DST: variants seen among roughly 807,000 people sequenced by gnomAD.
DST encodes the protein bullous pemphigoid antigen.
In DST, 253 loss-of-function variants were observed where a neutral mutation model predicts 875.2. The observed-to-expected ratio is 0.29, with a 90% CI of 0.26 to 0.32. DST has a LOEUF of 0.32. Among genes scored for constraint, DST ranks in the 10% least tolerant of loss-of-function variants. The pLI, the probability that DST is intolerant of heterozygous loss-of-function variation, is 1.00. For missense variants in DST, 8,287 were observed against 9,111.6 expected (o/e 0.91, Z 3.68); for synonymous variants, 3,124 against 3,197.1 (o/e 0.98, Z 0.77).
chr6:56,541,246 T>G (rs1368449346), intron 61 of DST: 2 of 152,654 alleles, frequency 1.3e-5, no homozygotes, highest in Non-Finnish European at 2.9e-5. Context: ...TTAGTTTGAG[T>G]GCATCAAAGA....
chr6:56,829,315 T>A (rs1401562563), intron 4 of DST, among the ~76,000 whole-genome samples: 1 of 152,228 alleles, frequency 6.6e-6, no homozygotes, highest in African/African-American at 2.4e-5. Context: ...AGTTTACATA[T>A]CATTAATACA....
At chr6:56,914,643 C>A (rs1046182555) in intron 2 of DST, among the ~76,000 whole-genome samples, 1 of 152,220 alleles carries the variant, frequency 6.6e-6, no homozygotes, top group Non-Finnish European at 1.5e-5. Context: ...ATCTCAAAGT[C>A]TATTTTTCTG....
intron 4 of DST, among the ~76,000 whole-genome samples, chr6:56,772,371 T>C (rs2099668377): frequency 6.6e-6 from 1 of 152,202 alleles, no homozygotes. Context: ...TATGTGATGA[T>C]ACTGCCCATA....
At chr6:56,665,443 T>C (rs115985505) in intron 10 of DST, among the ~76,000 whole-genome samples, 65 of 152,232 alleles carry the variant, frequency 4.3e-4, no homozygotes, top group Non-Finnish European at 6.9e-4. Context: ...GAAAATATCA[T>C]TGAGCTTCAA....
At chr6:56,596,928 G>C (rs2152694546) in intron 47 of DST, among the ~76,000 whole-genome samples, 1 of 152,314 alleles carries the variant, frequency 6.6e-6, no homozygotes, top group Admixed American at 6.5e-5. Flanking sequence ...TAGGTGAGCT[G>C]AGCTCAGAAA....
At chr6:56,636,424 G>A (rs936702734) in intron 23 of DST, 133 bp downstream of exon 23, 29 of 692,566 alleles carry the variant, frequency 4.2e-5, no homozygotes, top group South Asian at 3.9e-4. Context: ...ACACATATAT[G>A]TGTATATATA....
intron 49 of DST, 98 bp downstream of exon 49, chr6:56,592,084 T>C: frequency 9.2e-7 from 1 of 1,084,342 alleles, no homozygotes; most frequent in Non-Finnish European, 1.4e-6. Flanking sequence ...TCACATCATT[T>C]GTTCCCCTCT....
In DST at chr6:56,593,752, C is replaced by T. The variant is rs771484852; in HGVS notation, c.12637G>A (p.Gly4213Ser). Residue 4213 changes from glycine (G) to serine (S), a missense_variant, in exon 48 of 104, where the codon GGT becomes AGT. Physicochemically the swap from Gly to Ser is moderately conservative, Grantham distance 56 (BLOSUM62 0). Around this residue, in one of 10 missense-constraint regions of DST, gnomAD observed 1,513 missense variants for 1,677.8 expected, o/e 0.90. Transcript: ENST00000680361. ...GTTGCAGAAGTATCAACCTTGCCAC[C>T]GTCTCTCTTGCTGCAAGATTTGGCA... ...EAAKSCSKRDGGKVDTSATHR... is the reference protein window; with the variant it reads ...EAAKSCSKRDSGKVDTSATHR... 10 of 1,613,738 alleles carry T rather than the reference C, an allele frequency of 6.2e-6. No individual in the cohort carries two copies. The highest frequency in any genetic ancestry group is 5.0e-5 in the Admixed American group (3 of 59,980).
At chr6:56,506,027 T>C (rs2096301024) in intron 77 of DST, among the ~76,000 whole-genome samples, 1 of 152,204 alleles carries the variant, frequency 6.6e-6, no homozygotes, top group Non-Finnish European at 1.5e-5. Flanking sequence ...CTGACTTTAG[T>C]TAAACTTGGT....
At chr6:56,862,650 G>T (rs975171024) in intron 3 of DST, among the ~76,000 whole-genome samples, 4 of 152,126 alleles carry the variant, frequency 2.6e-5, no homozygotes, top group African/African-American at 9.7e-5. Flanking sequence ...ACTGAAGAGG[G>T]ATCACACTCA....
Position 56,605,890 on chromosome 6 carries a change from T to C in DST, c.8738A>G (p.His2913Arg), listed in dbSNP as rs769428685. The change falls in exon 40 of 104, where the codon CAT becomes CGT. Residue 2913 changes from histidine (H) to arginine (R), a missense_variant. Around this residue, in one of 10 missense-constraint regions of DST, gnomAD observed 3,138 missense variants for 3,116.6 expected, o/e 1.01. Transcript: ENST00000680361. ...CAATACATCCTTAAGTACCATCTCA[T>C]GGTTCAACAGATTTTCTTTGCTTTT... The part of the protein sequence containing the change: ...AGKSKENLLN[H>R]EMVLKDVLPP... 4.1e-5 allele frequency: 66 copies of C among 1,612,718 alleles called. No homozygotes were observed. The highest frequency in any genetic ancestry group is 5.2e-5 in the Non-Finnish European group (61 of 1,179,380).
Position 56,651,027 on chromosome 6 carries a change from C to T in DST, c.1333G>A (p.Asp445Asn), listed in dbSNP as rs771055407. ...GATTTTTCATCAGGTGAGGAGACAT[C>T]GACATCTAAAAACAGCAACATAAAT... ...VIRLLDPEDVDVSSPDEKSVI... is the reference protein window; with the variant it reads ...VIRLLDPEDVNVSSPDEKSVI... Residue 445 changes from aspartate to asparagine, a missense_variant, in exon 12 of 104, where the codon GAT becomes AAT. Transcript: ENST00000680361. 5.6e-6 allele frequency: 9 copies of T among 1,607,502 alleles called. No homozygotes were observed. The highest frequency in any genetic ancestry group is 1.3e-5 in the African/African-American group (1 of 74,674).
intron 85 of DST, among the ~76,000 whole-genome samples, chr6:56,491,371 T>C (rs1166113786): frequency 2.0e-5 from 3 of 152,164 alleles, no homozygotes; most frequent in Admixed American, 1.3e-4. Context: ...CAAAAAGTAA[T>C]TGTAAAATCC....
chr6:56,615,727 G>C (rs756491319), intron 36 of DST: 1 of 1,613,978 alleles, frequency 6.2e-7, no homozygotes, highest in South Asian at 1.1e-5. Context: ...TACCTACTTG[G>C]AGAGCCTCTT....
Position 56,481,740 on chromosome 6 carries a change from A to G in DST, c.21531+310T>C, listed in dbSNP as rs180998079. 9.8e-5 allele frequency among the ~76,000 whole-genome samples: 15 copies of G among 152,350 alleles called. No individual in the cohort carries two copies. The East Asian group carries it at 2.9e-3, about 29-fold the overall frequency. On this transcript the variant is annotated intron_variant, in intron 90 of 103. Coordinates refer to ENST00000680361, the MANE Select transcript of DST (RefSeq NM_001374736.1). ...TTGAAATCCACATGATAACTGCAAC[A>G]ATCTTGACCAATTTTGGTCAAAAGC...
intron 4 of DST, chr6:56,843,327 C>A (rs1379467385): frequency 6.6e-6 from 8 of 1,220,472 alleles, no homozygotes; most frequent in Non-Finnish European, 8.2e-6. Flanking sequence ...GGCGCCAGGG[C>A]CGGCAAAGGA....
intron 69 of DST, among the ~76,000 whole-genome samples, chr6:56,519,887 C>T (rs1374550636): frequency 6.6e-6 from 1 of 152,104 alleles, no homozygotes; most frequent in East Asian, 1.9e-4. Context: ...CAAATAGATG[C>T]CAATACCCAG....
intron 4 of DST, among the ~76,000 whole-genome samples, chr6:56,749,743 G>A (rs2099582080): frequency 6.6e-6 from 1 of 152,184 alleles, no homozygotes; most frequent in African/African-American, 2.4e-5. Context: ...AACAGGGCCA[G>A]TCACAGAGTG....
chr6:56,900,956 C>T lies in DST; in HGVS notation c.217-335G>A, dbSNP rs116671634. Among the ~76,000 whole-genome samples, 1,220 of 151,142 alleles carry T rather than the reference C, an allele frequency of 8.1e-3. 20 individuals are homozygous for T. The highest frequency in any genetic ancestry group is 0.027 in the African/African-American group (1,122 of 41,172). The stretch of plus-strand genomic sequence containing the variant: ...GCATCAGGGAGACTGTGAAGAAGGG[C>T]GTTTCCATTTTGGCCTGAAGTAGAG... On this transcript the variant is annotated intron_variant, in intron 2 of 103. Coordinates refer to ENST00000680361, the MANE Select transcript of DST (RefSeq NM_001374736.1).
Sources: gnomAD v4.1 joint callset for allele counts (sites outside exome capture counted in the v4.1 genomes callset) on GRCh38, gnomAD v4.1.1 for gene constraint, gnomAD v4.1.1 regional missense constraint, MANE v1.5 for transcripts, NCBI Gene and HGNC (gene_info 2026-07-23, HGNC 2026-07-21) for gene names.